The following DRAM1 variants were observed in gnomAD, a reference collection of about 807,000 sequenced individuals.
DRAM1 encodes the protein DNA damage regulated autophagy modulator 1.
In DRAM1, 25 loss-of-function variants were observed where a neutral mutation model predicts 28.5. The ratio of observed to expected loss-of-function variants is 0.88; its 90% CI spans 0.64 to 1.23. The LOEUF is 1.23. DRAM1 is among the 50% of genes most tolerant of loss of function. The probability of loss-of-function intolerance (pLI) is 0.00; values close to 1 mark genes in which losing one functional copy is unlikely to be tolerated. For synonymous variants in DRAM1, 113 were observed against 114.2 expected (o/e 0.99, Z 0.07); for missense variants, 249 against 299.2 (o/e 0.83, Z 1.24).
At chr12:101,901,784 CAGG>C (rs1285068015) in intron 3 of DRAM1, among the ~76,000 whole-genome samples, 1 of 148,568 alleles carries the variant, frequency 6.7e-6, no homozygotes, top group Non-Finnish European at 1.5e-5. Context: ...GAAGCTGAGG[CAGG>C]AGAATTGTTT....
Position 101,901,298 on chromosome 12 carries a change from C to T in DRAM1, c.207C>T (p.Ala69=), listed in dbSNP as rs772350525. The T allele has an allele frequency of 1.2e-6, 2 of 1,611,532 alleles. No individual in the cohort carries two copies. The highest frequency in any genetic ancestry group is 1.7e-6 in the Non-Finnish European group (2 of 1,179,214). ...AGTTCTCTTCTTTTTCAGGTGCAGC[C>T]ACGATGTATACAAGATACAAAATAG... The part of the protein sequence containing the change: ...MINFSAFLGA[A]TMYTRYKIVQ... The change falls in exon 3 of 7, where the codon GCC becomes GCT. Residue 69 remains alanine, a synonymous_variant. Transcript: ENST00000258534.
At chr12:101,878,396 C>T (rs537864212) in intron 1 of DRAM1, among the ~76,000 whole-genome samples, 10 of 152,278 alleles carry the variant, frequency 6.6e-5, no homozygotes, top group Non-Finnish European at 1.3e-4. Flanking sequence ...GAAATATCAT[C>T]AACGTGACAC....
At chr12:101,897,496 C>T (rs974670265) in intron 1 of DRAM1, among the ~76,000 whole-genome samples, 1 of 151,784 alleles carries the variant, frequency 6.6e-6, no homozygotes, top group Non-Finnish European at 1.5e-5. Flanking sequence ...CCGCTGCACC[C>T]GGCCTCAAAC....
Position 101,895,578 on chromosome 12 carries a change from T to A in DRAM1, c.132-2285T>A, listed in dbSNP as rs1333601906. Among the ~76,000 whole-genome samples, 3 of 144,438 alleles carry A rather than the reference T, an allele frequency of 2.1e-5. 1 individual carries two copies. Among genetic ancestry groups the A allele is most frequent in the African/African-American group, 7.8e-5 (3 of 38,460 alleles). 94.8% of individuals were successfully genotyped at this position (144,438 alleles called of 152,430 possible). On this transcript the variant is annotated intron_variant, in intron 1 of 6. Transcript: ENST00000258534. ...TGTAAGGGAGGCTATTTTTTTTTTT[T>A]TTTTTTTTTTGAGAAGGAGTCTCAC...
At position 101,908,246 on chromosome 12, in the gene DRAM1, G is replaced by A. The variant is rs748500198; in HGVS notation, c.403G>A (p.Val135Met). 49 of 1,613,890 alleles carry A rather than the reference G, an allele frequency of 3.0e-5. No homozygotes were observed. Among genetic ancestry groups the A allele is most frequent in the Admixed American group, 3.3e-5 (2 of 59,964 alleles). The change falls in exon 4 of 7, where the codon GTG becomes ATG. Residue 135 changes from valine to methionine, a missense_variant. Transcript: ENST00000258534. ...GALLAFVCGV[V>M]YTLLQSIISY... ...TCTTTTGGCCTTTGTCTGTGGTGTC[G>A]TGTACACGCTCCTACAGTCCATCAT... is the stretch of plus-strand genomic sequence containing the variant.
rs11342964 is a variant in DRAM1, at chr12:101,885,525, C to CT, written c.131+7627dup. Among the ~76,000 whole-genome samples the CT allele has an allele frequency of 4.1e-3, 391 of 96,398 alleles. 4 individuals are homozygous for CT. Among genetic ancestry groups the CT allele is most frequent in the Non-Finnish European group, 5.9e-3 (299 of 50,994 alleles). 63.2% of individuals were successfully genotyped at this position (96,398 alleles called of 152,430 possible). A position where few individuals can be genotyped will look rare whatever the true frequency, so the allele number is the denominator to read the frequency against. ...TGAAGACTCCAATTTTCCCACTGGA[C>CT]TTTTTTTTTTTTTTTTTTTTTTGAC... On this transcript the variant is annotated intron_variant, in intron 1 of 6. Coordinates refer to ENST00000258534, the MANE Select transcript of DRAM1 (RefSeq NM_018370.3).
chr12:101,908,551 A>G (rs188300171), intron 4 of DRAM1, among the ~76,000 whole-genome samples, 188 bp downstream of exon 4: 1 of 152,326 alleles, frequency 6.6e-6, no homozygotes, highest in Non-Finnish European at 1.5e-5. Flanking sequence ...GGATGAGGTC[A>G]GTGAATGGAA....
At chr12:101,878,506 C>T (rs1008541071) in intron 1 of DRAM1, among the ~76,000 whole-genome samples, 8 of 152,240 alleles carry the variant, frequency 5.3e-5, no homozygotes, top group Non-Finnish European at 1.2e-4. Flanking sequence ...GGCTTAAATT[C>T]TCTGGAGCTG....
rs1289860723 is a variant in DRAM1 at position 101,923,355 on chromosome 12, T to C, written c.*2095T>C. ...CGCTCCTCACGATGGAGTTTCATGC[T>C]TCATTTTCACATCTCTCTGCACAAT... On this transcript the variant is annotated 3_prime_UTR_variant, in exon 7 of 7. Transcript: ENST00000258534. 2 of 152,206 alleles carry C rather than the reference T, an allele frequency of 1.3e-5. No homozygotes were observed. The allele number at this position is 152,206 out of a possible 1,614,324, so 9.4% of individuals were successfully genotyped here.
Position 101,920,219 on chromosome 12 carries a change from C to A in DRAM1, c.672+18C>A. 1 of 1,552,182 alleles carries A rather than the reference C, an allele frequency of 6.4e-7. No homozygotes were observed. Among genetic ancestry groups the A allele is most frequent in the Non-Finnish European group, 8.8e-7 (1 of 1,135,832 alleles). On this transcript the variant is annotated intron_variant, in intron 6 of 6. Coordinates refer to ENST00000258534, the MANE Select transcript of DRAM1 (RefSeq NM_018370.3). ...ATTTCCAGGTAGGTGTTTATCAATT[C>A]AAATGTTTTAAATTGCGGACAATTA...
At chr12:101,910,243 T>C (rs946241482) in intron 4 of DRAM1, among the ~76,000 whole-genome samples, 17 of 152,190 alleles carry the variant, frequency 1.1e-4, no homozygotes, top group Non-Finnish European at 2.4e-4. Flanking sequence ...GTCTTACTTA[T>C]AGGTTAAAGG....
chr12:101,878,057 G>T, intron 1 of DRAM1, 137 bp downstream of exon 1: 1 of 1,214,666 alleles, frequency 8.2e-7, no homozygotes, highest in Non-Finnish European at 1.1e-6. Context: ...AGGAGGAGAG[G>T]TGCTCCCGAT....
chr12:101,921,574 CG>C lies in DRAM1; in HGVS notation c.*315del, dbSNP rs1270582687. 4.4e-5 allele frequency: 9 copies of C among 205,948 alleles called. No homozygotes were observed. Among genetic ancestry groups the C allele is most frequent in the African/African-American group, 1.2e-4 (5 of 40,598 alleles). The allele number at this position is 205,948 out of a possible 1,614,324, so 12.8% of individuals were successfully genotyped here. A position where few individuals can be genotyped will look rare whatever the true frequency, so the allele number is the denominator to read the frequency against. ...GCTCTTATTTTTGTACAGATTCTGTCGTTTTTGTTTTATTTGTGTGAGATTT... is the reference window on the plus strand; with the variant it reads ...GCTCTTATTTTTGTACAGATTCTGTCTTTTTGTTTTATTTGTGTGAGATTT... On this transcript the variant is annotated 3_prime_UTR_variant, in exon 7 of 7. Transcript: ENST00000258534.
chr12:101,881,436 C>T (rs1040427612), intron 1 of DRAM1, among the ~76,000 whole-genome samples: 1 of 152,086 alleles, frequency 6.6e-6, no homozygotes, highest in Admixed American at 6.6e-5. Context: ...CTCAAGCAAT[C>T]CCCTGACCTC....
intron 1 of DRAM1, among the ~76,000 whole-genome samples, 172 bp downstream of exon 1, chr12:101,878,092 C>T (rs1350961428): frequency 6.6e-6 from 1 of 152,000 alleles, no homozygotes; most frequent in Non-Finnish European, 1.5e-5. Flanking sequence ...AGGGAGGCAG[C>T]GGGTGCGGCG....
chr12:101,920,175 T>G lies in DRAM1; in HGVS notation c.646T>G (p.Phe216Val). The change falls in exon 6 of 7, where the codon TTC becomes GTC. Residue 216 changes from phenylalanine (F) to valine (V), a missense_variant. This residue lies in a region of DRAM1 where 15 missense variants were observed against 39.9 expected (regional missense o/e 0.38). Transcript: ENST00000258534. ...AGTGGCCTTTGGTTTTATTTTCTACTTCCTAACTTTCATCCAAGATTTCCA... is the reference window on the plus strand; with the variant it reads ...AGTGGCCTTTGGTTTTATTTTCTACGTCCTAACTTTCATCCAAGATTTCCA... Reference protein sequence around the residue: ...WTVAFGFIFYFLTFIQDFQSV... With the variant: ...WTVAFGFIFYVLTFIQDFQSV... The G allele has an allele frequency of 6.2e-7, 1 of 1,611,694 alleles. No homozygotes were observed. Among genetic ancestry groups the G allele is most frequent in the Non-Finnish European group, 8.5e-7 (1 of 1,178,892 alleles).
At chr12:101,912,059 T>C (rs12297237) in intron 4 of DRAM1, among the ~76,000 whole-genome samples, 13,808 of 151,880 alleles carry the variant, frequency 0.091, 1,239 homozygotes, top group East Asian at 0.24. Context: ...ACTAGCCAGG[T>C]GTGGTGGTGG....
At chr12:101,901,490 G>A in intron 3 of DRAM1, 57 bp downstream of exon 3, 2 of 1,574,368 alleles carry the variant, frequency 1.3e-6, no homozygotes, top group Non-Finnish European at 1.7e-6. Context: ...TGTCTGAAGA[G>A]AGCAGCAGAA....
chr12:101,909,268 A>T (rs1024305537), intron 4 of DRAM1, among the ~76,000 whole-genome samples: 10 of 152,072 alleles, frequency 6.6e-5, no homozygotes, highest in African/African-American at 2.4e-4. Context: ...TCTCAAAAAA[A>T]AAAGTGTAGA....
Sources: allele counts gnomAD v4.1 joint callset (sites outside exome capture counted in the v4.1 genomes callset), GRCh38; gene constraint gnomAD v4.1.1; regional missense constraint gnomAD v4.1.1; transcripts MANE v1.5; gene names NCBI Gene and HGNC (gene_info 2026-07-23, HGNC 2026-07-21).